PRMT2: variants seen among roughly 807,000 people sequenced by gnomAD.
PRMT2 encodes protein arginine N-methyltransferase 2.
PRMT2 carries 26 observed loss-of-function variants against 57.6 expected under a neutral mutation model. The ratio of observed to expected loss-of-function variants is 0.45; its 90% CI spans 0.33 to 0.63. PRMT2 has a LOEUF of 0.63. Ranked by LOEUF, PRMT2 falls within the 20% of genes least tolerant of loss-of-function variation. The probability of loss-of-function intolerance (pLI) is 0.02; values close to 1 mark genes in which losing one functional copy is unlikely to be tolerated. For missense variants in PRMT2, 472 were observed against 564.4 expected (o/e 0.84, Z 1.66); for synonymous variants, 219 against 220.0 (o/e 1.00, Z 0.04).
Position 46,649,702 on chromosome 21 carries a change from A to C in PRMT2, c.617A>C (p.Asp206Ala), listed in dbSNP as rs77451722. The change falls in exon 7 of 12, where the codon GAC becomes GCC. Residue 206 changes from aspartate (D) to alanine (A), a missense_variant. By Grantham distance (126) the Asp-to-Ala change is moderately radical. Transcript: ENST00000355680. This position sits in a 1 kb window ranked among gnomAD's most constrained non-coding sequence, Gnocchi z 4.8. ...GATGTGGTGCTGCCCGAGAAGGTGG[A>C]CGTGCTGGTGTCTGAGTGGATGGGG... ...VEDVVLPEKV[D>A]VLVSEWMGTC... The C allele has an allele frequency of 6.2e-7, 1 of 1,613,728 alleles. No homozygotes were observed. Among genetic ancestry groups the C allele is most frequent in the Non-Finnish European group, 8.5e-7 (1 of 1,179,998 alleles).
chr21:46,663,653 G>A, intron 11 of PRMT2, 99 bp downstream of exon 11: 1 of 1,248,242 alleles, frequency 8.0e-7, no homozygotes, highest in Non-Finnish European at 1.1e-6. Flanking sequence ...CCCACACTGG[G>A]GTCCACGCCT....
Position 46,664,860 on chromosome 21 carries a change from G to C in PRMT2, c.*533G>C, listed in dbSNP as rs1453416578. 1 of 164,256 alleles carries C rather than the reference G, an allele frequency of 6.1e-6. No homozygotes were observed. The highest frequency in any genetic ancestry group is 5.9e-5 in the Admixed American group (1 of 16,938). The allele number at this position is 164,256 out of a possible 1,614,324, so 10.2% of individuals were successfully genotyped here. The stretch of plus-strand genomic sequence containing the variant: ...TGATGTATGCGATGGGACTCTGCAT[G>C]GGATAGTACAGTTGTGTAGACGTCT... On this transcript the variant is annotated 3_prime_UTR_variant, in exon 12 of 12. Transcript: ENST00000355680.
intron 8 of PRMT2, chr21:46,659,142 T>A: frequency 7.9e-7 from 1 of 1,263,940 alleles, no homozygotes; most frequent in Non-Finnish European, 1.0e-6. Context: ...GAACAAAAAT[T>A]TTCGTATGTG....
intron 9 of PRMT2, 95 bp downstream of exon 9, chr21:46,661,057 C>T: frequency 1.6e-6 from 2 of 1,286,302 alleles, no homozygotes; most frequent in Non-Finnish European, 2.1e-6. Context: ...TCAGTGAGTG[C>T]TGGGGGTGTG....
chr21:46,663,003 C>CG (rs1364139803), intron 10 of PRMT2, among the ~76,000 whole-genome samples: 3 of 152,138 alleles, frequency 2.0e-5, no homozygotes, highest in African/African-American at 7.2e-5. Flanking sequence ...CGACACCACA[C>CG]GGGACCTTTA....
In PRMT2 at chr21:46,644,337, T is replaced by G; in HGVS notation, c.176T>G (p.Ile59Ser). Residue 59 changes from isoleucine to serine, a missense_variant, in exon 5 of 12, where the codon ATC (isoleucine) becomes AGC (serine). Ile to Ser is a moderately radical substitution (Grantham distance 142). This residue lies in a region of PRMT2 where 243 missense variants were observed against 347.2 expected (regional missense o/e 0.70). Coordinates refer to ENST00000355680, the MANE Select transcript of PRMT2 (RefSeq NM_206962.4). ...TTTTTGAGAGGAGAAAAAATTCTTA[T>G]CCTGAGACAAACCACTGCAGATTGG... The part of the protein sequence containing the change: ...LSFLRGEKIL[I>S]LRQTTADWWW... The G allele has an allele frequency of 6.2e-7, 1 of 1,607,718 alleles. No individual in the cohort carries two copies. Among genetic ancestry groups the G allele is most frequent in the Non-Finnish European group, 8.5e-7 (1 of 1,178,202 alleles).
In PRMT2 at chr21:46,649,541, C is replaced by A; in HGVS notation, c.490-34C>A. On this transcript the variant is annotated intron_variant, in intron 6 of 11. Coordinates refer to ENST00000355680, the MANE Select transcript of PRMT2 (RefSeq NM_206962.4). The surrounding 1 kb of genome is among the most constrained non-coding windows in gnomAD (Gnocchi z 4.8). ...AGTAGATGACGGGCCGTGTGCCGGCCGGATGTACGCTGACGGTGCCTCTGC... is the reference window on the plus strand; with the variant it reads ...AGTAGATGACGGGCCGTGTGCCGGCAGGATGTACGCTGACGGTGCCTCTGC... 3.1e-6 allele frequency: 5 copies of A among 1,613,548 alleles called. No individual in the cohort carries two copies. The highest frequency in any genetic ancestry group is 4.2e-6 in the Non-Finnish European group (5 of 1,180,022).
At position 46,661,749 on chromosome 21, in the gene PRMT2, C is replaced by A. The variant is rs115587551; in HGVS notation, c.961-51C>A. The A allele has an allele frequency of 2.3e-6, 3 of 1,284,706 alleles. 1 individual carries two copies. In the South Asian group the frequency reaches 7.3e-5, roughly 31 times the overall value. The allele number at this position is 1,284,706 out of a possible 1,614,324, so 79.6% of individuals were successfully genotyped here. ...TGGAGGGGGCCGCCCCAACCCGGGC[C>A]CTGCGGTGCCACGCGGTGCCCACGC... On this transcript the variant is annotated intron_variant, in intron 9 of 11. Coordinates refer to ENST00000355680, the MANE Select transcript of PRMT2 (RefSeq NM_206962.4).
chr21:46,664,961 C>A lies in PRMT2; in HGVS notation c.*634C>A, dbSNP rs1215259290. 6.5e-6 allele frequency: 1 copy of A among 152,688 alleles called. No individual in the cohort carries two copies. Among genetic ancestry groups the A allele is most frequent in the South Asian group, 2.1e-4 (1 of 4,864 alleles). The allele number at this position is 152,688 out of a possible 1,614,324, so 9.5% of individuals were successfully genotyped here. ...AAATGAGTGAATGTCATTGTGTATCCTGTTTTATGCATATATGTTATTTTT... is the reference window on the plus strand; with the variant it reads ...AAATGAGTGAATGTCATTGTGTATCATGTTTTATGCATATATGTTATTTTT... On this transcript the variant is annotated 3_prime_UTR_variant, in exon 12 of 12. Transcript: ENST00000355680.
chr21:46,649,340 C>G lies in PRMT2; in HGVS notation c.490-235C>G, dbSNP rs1025347397. On this transcript the variant is annotated intron_variant, in intron 6 of 11. Coordinates refer to ENST00000355680, the MANE Select transcript of PRMT2 (RefSeq NM_206962.4). This position sits in a 1 kb window ranked among gnomAD's most constrained non-coding sequence, Gnocchi z 4.8. The stretch of plus-strand genomic sequence containing the variant: ...TGCGAGTCTTCCATCCACTTGCAGC[C>G]CTGCGTCTGTGTCTTGTCCGGGAGG... 6.6e-6 allele frequency among the ~76,000 whole-genome samples: 1 copy of G among 152,180 alleles called. No individual in the cohort carries two copies. Among genetic ancestry groups the G allele is most frequent in the East Asian group, 1.9e-4 (1 of 5,186 alleles).
At chr21:46,652,053 G>A (rs567500536) in intron 7 of PRMT2, 116 of 1,608,530 alleles carry the variant, frequency 7.2e-5, no homozygotes, top group Non-Finnish European at 8.9e-5. Flanking sequence ...GTGCATGTGC[G>A]TTTAGCATAG....
In PRMT2 at chr21:46,643,556, A is replaced by C; in HGVS notation, c.61A>C (p.Ser21Arg). 1 of 1,606,160 alleles carries C rather than the reference A, an allele frequency of 6.2e-7. No homozygotes were observed. The highest frequency in any genetic ancestry group is 8.5e-7 in the Non-Finnish European group (1 of 1,177,358). Residue 21 changes from serine (S) to arginine (R), a missense_variant, in exon 4 of 12, where the codon AGT becomes CGT. Transcript: ENST00000355680. ...GCAGGGAGAAGAGCCTGCTGAGTGC[A>C]GTGAGGCCGGTCTCCTGCAGGAGGG... ...ESQGEEPAEC[S>R]EAGLLQEGVQ...
At chr21:46,659,403 A>C in intron 8 of PRMT2, 12 of 985,924 alleles carry the variant, frequency 1.2e-5, no homozygotes, top group Non-Finnish European at 1.4e-5. Flanking sequence ...CAGCAAAAAC[A>C]CGATTGTAAA....
intron 7 of PRMT2, chr21:46,652,951 G>A (rs1481316018): frequency 7.7e-7 from 1 of 1,291,182 alleles, no homozygotes; most frequent in Admixed American, 2.5e-5. Context: ...AGGTGCAGGG[G>A]CTGCCTCCTG....
chr21:46,647,313 G>C (rs2061379366), intron 5 of PRMT2, among the ~76,000 whole-genome samples: 1 of 152,000 alleles, frequency 6.6e-6, no homozygotes, highest in Non-Finnish European at 1.5e-5. Flanking sequence ...GCCTGAATTT[G>C]TGAAGTTTTG....
At chr21:46,653,645 T>A (rs1466777837) in intron 7 of PRMT2, 1 of 1,232,900 alleles carries the variant, frequency 8.1e-7, no homozygotes, top group African/African-American at 1.6e-5. Flanking sequence ...GATATTTCTT[T>A]TTGGTTGCAT....
At chr21:46,655,278 C>T (rs368053384) in intron 7 of PRMT2, among the ~76,000 whole-genome samples, 2 of 152,190 alleles carry the variant, frequency 1.3e-5, no homozygotes, top group East Asian at 1.9e-4. Context: ...ACCAATAACC[C>T]TCATGAACAT....
In PRMT2 at chr21:46,636,929, A is replaced by G; in HGVS notation, c.-23A>G. The G allele has an allele frequency of 1.2e-6, 2 of 1,609,492 alleles. No homozygotes were observed. Among genetic ancestry groups the G allele is most frequent in the East Asian group, 2.2e-5 (1 of 44,798 alleles). The stretch of plus-strand genomic sequence containing the variant: ...AAGAAAATGAAATAAATCAGCAGTT[A>G]TGAGGCAGAGCCTAAGAGAACTATG... On this transcript the variant is annotated 5_prime_UTR_variant, in exon 3 of 12. It removes an upstream start codon present in the reference 5' UTR. Coordinates refer to ENST00000355680, the MANE Select transcript of PRMT2 (RefSeq NM_206962.4).
intron 5 of PRMT2, among the ~76,000 whole-genome samples, chr21:46,647,970 CT>C (rs34679410): frequency 6.0e-5 from 9 of 149,058 alleles, no homozygotes; most frequent in African/African-American, 7.4e-5. Flanking sequence ...TCCAGCAGTT[CT>C]TTTTTTTTTA....
Sources: gnomAD v4.1 joint callset for allele counts (sites outside exome capture counted in the v4.1 genomes callset) on GRCh38, gnomAD v4.1.1 for gene constraint, gnomAD v4.1.1 regional missense constraint, Gnocchi (gnomAD v3.1) non-coding constraint, MANE v1.5 for transcripts, NCBI Gene and HGNC (gene_info 2026-07-23, HGNC 2026-07-21) for gene names.